Variants in DTX2 observed in about 807,000 individuals in gnomAD.
DTX2 encodes the protein probable E3 ubiquitin-protein ligase DTX2.
A neutral mutation model predicts 55.3 loss-of-function variants in DTX2; 29 were observed. The observed-to-expected ratio is 0.52, with a 90% confidence interval of 0.39 to 0.71. DTX2 has a LOEUF of 0.71. Ranked by LOEUF, DTX2 falls within the 30% of genes least tolerant of loss-of-function variation. DTX2 has a pLI of 0.00. For missense variants in DTX2, 537 were observed against 822.5 expected, an observed-to-expected ratio of 0.65 and a Z score of 4.25; for synonymous variants, 276 against 340.4, an observed-to-expected ratio of 0.81 and a Z score of 2.08.
At chr7:76,489,809 C>T (rs1349166026) in intron 4 of DTX2, among the ~76,000 whole-genome samples, 3 of 129,914 alleles carry the variant, frequency 2.3e-5, no homozygotes, top group Non-Finnish European at 5.0e-5. Flanking sequence ...GGCCACAGAA[C>T]GAGACTCTGT....
At chr7:76,499,393 A>C (rs1051098546) in intron 6 of DTX2, among the ~76,000 whole-genome samples, 2 of 150,842 alleles carry the variant, frequency 1.3e-5, no homozygotes, top group African/African-American at 4.9e-5. Flanking sequence ...CTCCCTGCCA[A>C]ACTGTCCCCT....
chr7:76,505,659 G>T lies in DTX2; in HGVS notation c.*58G>T, dbSNP rs1407798602. On this transcript the variant is annotated 3_prime_UTR_variant, in exon 11 of 11. Coordinates refer to ENST00000430490, the MANE Select transcript of DTX2 (RefSeq NM_001102594.3). The surrounding 1 kb of genome is among the most constrained non-coding windows in gnomAD (Gnocchi z 4.4). ...CACCCCGCTGCCCCATGGCTGGCTG[G>T]GTGGCCAGGCAGGAAGTGCCCAGCC... The T allele has an allele frequency of 6.6e-7, 1 of 1,511,208 alleles. No individual in the cohort carries two copies. Among genetic ancestry groups the T allele is most frequent in the Non-Finnish European group, 8.9e-7 (1 of 1,127,120 alleles). 93.6% of individuals were successfully genotyped at this position (1,511,208 alleles called of 1,614,324 possible). A position where few individuals can be genotyped will look rare whatever the true frequency, so the allele number is the denominator to read the frequency against.
chr7:76,473,992 G>A (rs1446852265), intron 2 of DTX2, among the ~76,000 whole-genome samples: 2 of 131,108 alleles, frequency 1.5e-5, no homozygotes, highest in South Asian at 5.6e-4. Context: ...CGCGATCTCG[G>A]CTCACTGCAA....
chr7:76,480,557 C>G lies in DTX2; in HGVS notation c.48C>G (p.Pro16=). Residue 16 remains proline, a synonymous_variant, in exon 3 of 11, where the codon CCC becomes CCG. Transcript: ENST00000430490. ...CCCTGGTGCAGGTGTACACCAGCCCCGCGGCTGTGGCCGTGTGGGAATGGC... is the reference window on the plus strand; with the variant it reads ...CCCTGGTGCAGGTGTACACCAGCCCGGCGGCTGTGGCCGTGTGGGAATGGC... ...SPSLVQVYTS[P]AAVAVWEWQD... 5 of 1,612,348 alleles carry G rather than the reference C, an allele frequency of 3.1e-6. No homozygotes were observed. Among genetic ancestry groups the G allele is most frequent in the Non-Finnish European group, 3.4e-6 (4 of 1,179,948 alleles).
At chr7:76,503,861 C>T (rs1193804008) in intron 9 of DTX2, among the ~76,000 whole-genome samples, 39 of 149,548 alleles carry the variant, frequency 2.6e-4, no homozygotes, top group African/African-American at 9.3e-4. Flanking sequence ...CTTAGCTGGA[C>T]TTGTTCTGGG....
chr7:76,468,848 C>T (rs1231675092), intron 2 of DTX2, among the ~76,000 whole-genome samples: 1 of 138,320 alleles, frequency 7.2e-6, no homozygotes, highest in Non-Finnish European at 1.5e-5. Flanking sequence ...CTGCAGCCTC[C>T]GCCTCCTGGG....
intron 2 of DTX2, among the ~76,000 whole-genome samples, chr7:76,479,295 C>T (rs1197858150): frequency 1.0e-5 from 1 of 95,668 alleles, no homozygotes; most frequent in Admixed American, 1.1e-4. Context: ...GGCCTGGTGG[C>T]CGGTCAGCAG....
At chr7:76,471,894 C>T (rs1341938897) in intron 2 of DTX2, among the ~76,000 whole-genome samples, 6 of 150,934 alleles carry the variant, frequency 4.0e-5, no homozygotes, top group Non-Finnish European at 7.4e-5. Flanking sequence ...TTACTGGGGC[C>T]GGCACCATGG....
At chr7:76,474,682 C>T (rs1808347027) in intron 2 of DTX2, 1 of 152,100 alleles carries the variant, frequency 6.6e-6, no homozygotes, top group Non-Finnish European at 1.5e-5. Context: ...GCCTTCTTCC[C>T]AGAGGCCACA....
chr7:76,463,124 G>C (rs1278477599), intron 1 of DTX2, among the ~76,000 whole-genome samples: 4 of 150,478 alleles, frequency 2.7e-5, no homozygotes, highest in African/African-American at 9.8e-5. Context: ...TTAAGAAAAG[G>C]GCTCAGAGCC....
chr7:76,486,753 C>T (rs1453565042), intron 4 of DTX2, among the ~76,000 whole-genome samples: 9 of 127,702 alleles, frequency 7.0e-5, no homozygotes, highest in East Asian at 2.7e-4. Flanking sequence ...CACAGCTCAG[C>T]GAGGTGAAGC....
chr7:76,501,888 CTT>C (rs1259097270), intron 7 of DTX2: 316 of 149,106 alleles, frequency 2.1e-3, no homozygotes, highest in South Asian at 4.1e-3. Flanking sequence ...GTGGAATGGA[CTT>C]TTTTTTTTTT....
chr7:76,468,448 A>ATTTTTTTTTT (rs1202957368), intron 2 of DTX2, among the ~76,000 whole-genome samples: 1 of 37,032 alleles, frequency 2.7e-5, no homozygotes, highest in Non-Finnish European at 5.2e-5. Context: ...GCCCACTGCC[A>ATTTTTTTTTT]TTTTTTTTTT....
chr7:76,474,347 G>A (rs1808302689), intron 2 of DTX2, among the ~76,000 whole-genome samples: 2 of 151,746 alleles, frequency 1.3e-5, no homozygotes, highest in Admixed American at 1.3e-4. Flanking sequence ...GAGCCACCAC[G>A]CTTGGCCTGT....
chr7:76,505,757 T>G lies in DTX2; in HGVS notation c.*156T>G. The G allele has an allele frequency of 4.0e-6, 3 of 749,594 alleles. No individual in the cohort carries two copies. Among genetic ancestry groups the G allele is most frequent in the East Asian group, 5.4e-5 (2 of 37,202 alleles). The allele number at this position is 749,594 out of a possible 1,614,324, so 46.4% of individuals were successfully genotyped here. On this transcript the variant is annotated 3_prime_UTR_variant, in exon 11 of 11. Transcript: ENST00000430490. This position sits in a 1 kb window ranked among gnomAD's most constrained non-coding sequence, Gnocchi z 4.4. Reference sequence around the variant, plus strand: ...AGCCGGGGCTCCCCCTGCCTGCCTCTCTCTCCTCCTCCCCTCTGGGAATTG... The same window carrying G: ...AGCCGGGGCTCCCCCTGCCTGCCTCGCTCTCCTCCTCCCCTCTGGGAATTG...
Position 76,502,437 on chromosome 7 carries a change from T to C in DTX2, c.1370T>C (p.Met457Thr), listed in dbSNP as rs1300173526. The C allele has an allele frequency of 2.5e-6, 4 of 1,612,150 alleles. No homozygotes were observed. Among genetic ancestry groups the C allele is most frequent in the Non-Finnish European group, 3.4e-6 (4 of 1,179,916 alleles). ...TTCCACCTGCTGTGCCTCCTGGCCATGTACTGCAACGGCAATAAGGTGCCC... is the reference window on the plus strand; with the variant it reads ...TTCCACCTGCTGTGCCTCCTGGCCACGTACTGCAACGGCAATAAGGTGCCC... ...HAFHLLCLLA[M>T]YCNGNKDGSL... The change falls in exon 8 of 11, where the codon ATG becomes ACG. Residue 457 changes from methionine to threonine, a missense_variant. By Grantham distance (81) the Met-to-Thr change is moderately conservative (BLOSUM62 -1). Around this residue, in one of 7 missense-constraint regions of DTX2, gnomAD observed 121 missense variants for 136.8 expected, o/e 0.88. Coordinates refer to ENST00000430490, the MANE Select transcript of DTX2 (RefSeq NM_001102594.3).
chr7:76,480,560 G>T lies in DTX2; in HGVS notation c.51G>T (p.Ala17=). 1 of 1,612,494 alleles carries T rather than the reference G, an allele frequency of 6.2e-7. No homozygotes were observed. The highest frequency in any genetic ancestry group is 8.5e-7 in the Non-Finnish European group (1 of 1,179,954). The part of the protein sequence containing the change: ...PSLVQVYTSP[A]AVAVWEWQDG... Reference sequence around the variant, plus strand: ...TGGTGCAGGTGTACACCAGCCCCGCGGCTGTGGCCGTGTGGGAATGGCAGG... The same window carrying T: ...TGGTGCAGGTGTACACCAGCCCCGCTGCTGTGGCCGTGTGGGAATGGCAGG... Residue 17 remains alanine, a synonymous_variant, in exon 3 of 11, where the codon GCG becomes GCT. Coordinates refer to ENST00000430490, the MANE Select transcript of DTX2 (RefSeq NM_001102594.3).
chr7:76,504,819 C>A (rs1484010949), intron 10 of DTX2, among the ~76,000 whole-genome samples: 2 of 151,914 alleles, frequency 1.3e-5, no homozygotes, highest in Non-Finnish European at 2.9e-5. Flanking sequence ...TGGGGACGAG[C>A]CTTCCAGGAA....
At position 76,479,907 on chromosome 7, in the gene DTX2, G is replaced by A. The variant is rs117218704; in HGVS notation, c.-89-514G>A. 0.01 allele frequency among the ~76,000 whole-genome samples: 1,535 copies of A among 150,812 alleles called. 71 individuals carry two copies. In the East Asian group the frequency reaches 0.13, roughly 12 times the overall value. On this transcript the variant is annotated intron_variant, in intron 2 of 10. Coordinates refer to ENST00000430490, the MANE Select transcript of DTX2 (RefSeq NM_001102594.3). Reference sequence around the variant, plus strand: ...GCTCTCTTTCTTCATGGGCCTGTGCGGCGGTACGTAGGCTGCGGGATTGAC... The same window carrying A: ...GCTCTCTTTCTTCATGGGCCTGTGCAGCGGTACGTAGGCTGCGGGATTGAC...
Sources: allele counts gnomAD v4.1 joint callset (sites outside exome capture counted in the v4.1 genomes callset), GRCh38; gene constraint gnomAD v4.1.1; regional missense constraint gnomAD v4.1.1; non-coding constraint Gnocchi (gnomAD v3.1); transcripts MANE v1.5; gene names NCBI Gene and HGNC (gene_info 2026-07-23, HGNC 2026-07-21).